Variants in ATRN observed in about 807,000 individuals in gnomAD.
ATRN encodes the protein attractin.
ATRN carries 54 observed loss-of-function variants against 178.7 expected under a neutral mutation model. The ratio of observed to expected loss-of-function variants is 0.30; its 90% CI spans 0.24 to 0.38. The LOEUF is 0.38. Among genes scored for constraint, ATRN ranks in the 10% least tolerant of loss-of-function variants. The probability of loss-of-function intolerance (pLI) is 1.00; values close to 1 mark genes in which losing one functional copy is unlikely to be tolerated. For synonymous variants in ATRN, 636 were observed against 663.0 expected (o/e 0.96, Z 0.63); for missense variants, 1,443 against 1,815.1 (o/e 0.79, Z 3.73).
chr20:3,642,327 T>TGGCCAA (rs751110325), intron 27 of ATRN, among the ~76,000 whole-genome samples: 3 of 152,224 alleles, frequency 2.0e-5, no homozygotes, highest in South Asian at 2.1e-4. Flanking sequence ...AACATGGCCA[T>TGGCCAA]GGCCAAACTG....
intron 16 of ATRN, among the ~76,000 whole-genome samples, chr20:3,583,137 T>C (rs1463423869): frequency 6.6e-6 from 1 of 152,242 alleles, no homozygotes; most frequent in African/African-American, 2.4e-5. Flanking sequence ...TGTAGATTTC[T>C]AAATATTGAT....
At chr20:3,644,530 G>A (rs2087093206) in intron 28 of ATRN, among the ~76,000 whole-genome samples, 1 of 152,210 alleles carries the variant, frequency 6.6e-6, no homozygotes, top group Admixed American at 6.5e-5. Flanking sequence ...GCTCGTGGAT[G>A]CCTCTGACCA....
chr20:3,621,538 T>G (rs2086897246), intron 24 of ATRN, among the ~76,000 whole-genome samples: 1 of 152,168 alleles, frequency 6.6e-6, no homozygotes, highest in East Asian at 1.9e-4. Flanking sequence ...GAATTCTAGG[T>G]TTCTTGGAGT....
intron 7 of ATRN, among the ~76,000 whole-genome samples, chr20:3,560,315 G>A (rs1419650449): frequency 1.3e-5 from 2 of 152,116 alleles, no homozygotes; most frequent in Non-Finnish European, 2.9e-5. Context: ...GCTACAAAAT[G>A]ACTGGATGTC....
At chr20:3,618,727 A>G (rs766951259) in intron 24 of ATRN, among the ~76,000 whole-genome samples, 3 of 152,226 alleles carry the variant, frequency 2.0e-5, no homozygotes, top group Non-Finnish European at 4.4e-5. Flanking sequence ...TTTCTGTGCC[A>G]GCACAAACCA....
Position 3,583,904 on chromosome 20 carries a change from A to G in ATRN, c.2771A>G (p.His924Arg), listed in dbSNP as rs2086315389. The change falls in exon 17 of 29, where the codon CAC becomes CGC. Residue 924 changes from histidine to arginine, a missense_variant. Coordinates refer to ENST00000262919, the MANE Select transcript of ATRN (RefSeq NM_139321.3). ...TCTTGGGTTTCATTCCCAGCAAACCACAGTGCTAAGCAGTGCCGGACACCA... is the reference window on the plus strand; with the variant it reads ...TCTTGGGTTTCATTCCCAGCAAACCGCAGTGCTAAGCAGTGCCGGACACCA... ...NGSVCERPAN[H>R]SAKQCRTPCA... is the part of the protein sequence containing the mutation. The G allele has an allele frequency of 1.9e-6, 3 of 1,613,566 alleles. No homozygotes were observed. Among genetic ancestry groups the G allele is most frequent in the Non-Finnish European group, 2.5e-6 (3 of 1,179,556 alleles).
chr20:3,570,302 G>A (rs186722842), intron 11 of ATRN, among the ~76,000 whole-genome samples: 1 of 152,214 alleles, frequency 6.6e-6, no homozygotes, highest in East Asian at 1.9e-4. Context: ...GTCCTGTAGA[G>A]TTTCCCGTAG....
At chr20:3,624,833 G>A (rs567512415) in intron 25 of ATRN, among the ~76,000 whole-genome samples, 77 of 152,258 alleles carry the variant, frequency 5.1e-4, no homozygotes, top group African/African-American at 1.7e-3. Context: ...AATTTTGCAT[G>A]CATCCTATAG....
At chr20:3,592,132 G>T (rs139718877) in intron 19 of ATRN, among the ~76,000 whole-genome samples, 176 of 152,334 alleles carry the variant, frequency 1.2e-3, no homozygotes, top group African/African-American at 4.0e-3. Flanking sequence ...GGGTGTAGTG[G>T]CTCACGCCTG....
intron 8 of ATRN, 62 bp downstream of exon 8, chr20:3,560,967 T>A: frequency 6.4e-7 from 1 of 1,563,976 alleles, no homozygotes; most frequent in Non-Finnish European, 8.8e-7. Flanking sequence ...CTAAGCTTAT[T>A]ATTTTGACTG....
rs940235936 is a variant in ATRN at position 3,648,232 on chromosome 20, A to C, written c.*1385A>C. The C allele has an allele frequency of 7.0e-6, 1 of 143,668 alleles. No individual in the cohort carries two copies. The highest frequency in any genetic ancestry group is 2.5e-5 in the African/African-American group (1 of 39,672). The allele number at this position is 143,668 out of a possible 1,614,324, so 8.9% of individuals were successfully genotyped here. ...GGTGGTGGCTGTGAGGAGGGCAGCAAATGCTGACAAGGATGAAAAGCACAT... is the reference window on the plus strand; with the variant it reads ...GGTGGTGGCTGTGAGGAGGGCAGCACATGCTGACAAGGATGAAAAGCACAT... On this transcript the variant is annotated 3_prime_UTR_variant, in exon 29 of 29. Coordinates refer to ENST00000262919, the MANE Select transcript of ATRN (RefSeq NM_139321.3).
intron 15 of ATRN, among the ~76,000 whole-genome samples, chr20:3,581,318 T>G (rs1401091798): frequency 1.3e-5 from 2 of 152,210 alleles, no homozygotes; most frequent in Non-Finnish European, 2.9e-5. Context: ...TTAGGAATAC[T>G]TACCATTTCT....
intron 1 of ATRN, among the ~76,000 whole-genome samples, chr20:3,478,242 A>G (rs1417578975): frequency 6.6e-6 from 1 of 152,034 alleles, no homozygotes; most frequent in Non-Finnish European, 1.5e-5. Flanking sequence ...ATGTGTCTCT[A>G]TGCACACGTA....
At chr20:3,612,549 T>TG (rs1392527466) in intron 24 of ATRN, among the ~76,000 whole-genome samples, 1 of 152,168 alleles carries the variant, frequency 6.6e-6, no homozygotes, top group Non-Finnish European at 1.5e-5. Flanking sequence ...GAATAGAGCT[T>TG]GCAGGGGTTT....
intron 27 of ATRN, among the ~76,000 whole-genome samples, chr20:3,643,837 T>C (rs1199071771): frequency 1.3e-5 from 2 of 152,170 alleles, no homozygotes; most frequent in Non-Finnish European, 2.9e-5. Context: ...AGTTATGAAT[T>C]AGAATTTCAA....
intron 1 of ATRN, among the ~76,000 whole-genome samples, chr20:3,512,747 C>T (rs1042671378): frequency 6.6e-6 from 1 of 152,218 alleles, no homozygotes; most frequent in Non-Finnish European, 1.5e-5. Flanking sequence ...GTTCCTATTT[C>T]TCCACATCCT....
At chr20:3,494,422 G>A (rs750940646) in intron 1 of ATRN, among the ~76,000 whole-genome samples, 1 of 152,116 alleles carries the variant, frequency 6.6e-6, no homozygotes, top group African/African-American at 2.4e-5. Context: ...TAAAGAAGAT[G>A]ACAGGTGGCT....
Position 3,547,285 on chromosome 20 carries a change from TTTG to T in ATRN, c.740_742del (p.Phe247_Asp248delinsTyr). 6.2e-7 allele frequency: 1 copy of T among 1,612,268 alleles called. No homozygotes were observed. Among genetic ancestry groups the T allele is most frequent in the Non-Finnish European group, 8.5e-7 (1 of 1,178,294 alleles). On this transcript the variant is annotated inframe_deletion and splice_region_variant, in exon 5 of 29. Transcript: ENST00000262919. ...TAATTTTCCCTGCTATTTTTACAGT[TTTG>T]ATATGTGTCCAAATAACTGCTCAGG...
At chr20:3,535,218 C>A (rs911477530) in intron 1 of ATRN, 35 bp from the exon 2 acceptor site, 4 of 1,029,788 alleles carry the variant, frequency 3.9e-6, no homozygotes, top group Non-Finnish European at 5.4e-6. Context: ...ATTAATATAG[C>A]AGACTTAAGT....
Sources: gnomAD v4.1 joint callset for allele counts (sites outside exome capture counted in the v4.1 genomes callset) on GRCh38, gnomAD v4.1.1 for gene constraint, MANE v1.5 for transcripts, NCBI Gene and HGNC (gene_info 2026-07-23, HGNC 2026-07-21) for gene names.